Variants in PLXDC2 observed in about 807,000 individuals in gnomAD.
The protein encoded by PLXDC2 is plexin domain containing 2.
PLXDC2 carries 40 observed loss-of-function variants against 68.9 expected under a neutral mutation model. The ratio of observed to expected loss-of-function variants is 0.58; its 90% CI spans 0.45 to 0.76. The LOEUF (loss-of-function observed/expected upper bound fraction) is 0.76. Ranked by LOEUF, PLXDC2 falls within the 30% of genes least tolerant of loss-of-function variation. PLXDC2 has a pLI of 0.00. For missense variants in PLXDC2, 644 were observed against 661.9 expected (o/e 0.97, Z 0.30); for synonymous variants, 243 against 234.2 (o/e 1.04, Z -0.34).
intron 1 of PLXDC2, among the ~76,000 whole-genome samples, chr10:19,967,520 AAATAG>A (rs1397501870): frequency 5.3e-5 from 8 of 152,216 alleles, no homozygotes; most frequent in South Asian, 2.1e-4. Flanking sequence ...GAACTAGAAA[AAATAG>A]AATAAACATA....
intron 9 of PLXDC2, among the ~76,000 whole-genome samples, chr10:20,185,131 A>G (rs1419817577): frequency 7.0e-6 from 1 of 142,188 alleles, no homozygotes; most frequent in African/African-American, 2.6e-5. Context: ...AAACCTGCAC[A>G]TTCTGCACAT....
At chr10:20,226,394 A>T (rs1327504625) in intron 12 of PLXDC2, among the ~76,000 whole-genome samples, 1 of 152,192 alleles carries the variant, frequency 6.6e-6, no homozygotes, top group Non-Finnish European at 1.5e-5. Context: ...GGAGGCCAAA[A>T]TATTGGACAC....
At chr10:20,015,861 A>G (rs549527591) in intron 2 of PLXDC2, among the ~76,000 whole-genome samples, 1 of 152,174 alleles carries the variant, frequency 6.6e-6, no homozygotes, top group Admixed American at 6.5e-5. Context: ...TGTTCCAACC[A>G]TCGTGTTCAC....
intron 6 of PLXDC2, among the ~76,000 whole-genome samples, chr10:20,151,460 G>A (rs1242088782): frequency 1.3e-5 from 2 of 152,090 alleles, no homozygotes; most frequent in Non-Finnish European, 2.9e-5. Flanking sequence ...TCATTTTATA[G>A]CTGAGCAGGG....
intron 13 of PLXDC2, among the ~76,000 whole-genome samples, chr10:20,255,918 G>C (rs1220073433): frequency 6.6e-6 from 1 of 151,998 alleles, no homozygotes; most frequent in Non-Finnish European, 1.5e-5. Context: ...TAGAAACAAA[G>C]TAAATTTTAA....
At chr10:20,110,369 C>T (rs1435944776) in intron 4 of PLXDC2, among the ~76,000 whole-genome samples, 1 of 152,166 alleles carries the variant, frequency 6.6e-6, no homozygotes, top group African/African-American at 2.4e-5. Flanking sequence ...AACACTTATC[C>T]TCCCCTTTCA....
intron 1 of PLXDC2, among the ~76,000 whole-genome samples, chr10:19,948,863 G>A (rs1471348653): frequency 6.6e-6 from 1 of 151,838 alleles, no homozygotes; most frequent in Non-Finnish European, 1.5e-5. Flanking sequence ...GACATACATT[G>A]GCCGGGCGCG....
At chr10:19,962,288 T>G (rs149203453) in intron 1 of PLXDC2, among the ~76,000 whole-genome samples, 3 of 151,514 alleles carry the variant, frequency 2.0e-5, no homozygotes, top group Non-Finnish European at 4.4e-5. Flanking sequence ...GAAACTAGGA[T>G]TCTATCTTAC....
chr10:20,256,249 C>T (rs1182178163), intron 13 of PLXDC2, among the ~76,000 whole-genome samples: 3 of 152,016 alleles, frequency 2.0e-5, no homozygotes, highest in African/African-American at 4.8e-5. Flanking sequence ...ACTCCTGCCT[C>T]AGCCTCCCAA....
chr10:19,932,775 A>G (rs1452337464), intron 1 of PLXDC2, among the ~76,000 whole-genome samples: 1 of 152,222 alleles, frequency 6.6e-6, no homozygotes, highest in Non-Finnish European at 1.5e-5. Context: ...CTTTCTGAGC[A>G]TGTTTGAACA....
intron 3 of PLXDC2, among the ~76,000 whole-genome samples, chr10:20,052,722 C>CAAAAAA (rs59776582): frequency 1.1e-5 from 1 of 92,800 alleles, no homozygotes; most frequent in African/African-American, 3.8e-5. Context: ...ACAAATTATG[C>CAAAAAA]AAAAAAAAAA....
At chr10:19,846,673 T>C (rs189979425) in intron 1 of PLXDC2, among the ~76,000 whole-genome samples, 37 of 152,194 alleles carry the variant, frequency 2.4e-4, no homozygotes, top group Middle Eastern at 3.4e-3. Context: ...TGGGAGCCAA[T>C]GTCAAGATAT....
intron 1 of PLXDC2, among the ~76,000 whole-genome samples, chr10:19,849,125 T>A (rs1315564051): frequency 6.6e-6 from 1 of 152,136 alleles, no homozygotes; most frequent in Non-Finnish European, 1.5e-5. Context: ...AACCCACACA[T>A]GTACATAGTT....
At chr10:19,960,121 GC>G (rs1247151793) in intron 1 of PLXDC2, among the ~76,000 whole-genome samples, 2 of 151,464 alleles carry the variant, frequency 1.3e-5, no homozygotes, top group South Asian at 2.1e-4. Flanking sequence ...GCTTTGGGGG[GC>G]TGAGGTAGAA....
chr10:19,948,866 C>T (rs1182437672), intron 1 of PLXDC2, among the ~76,000 whole-genome samples: 3 of 151,844 alleles, frequency 2.0e-5, no homozygotes, highest in East Asian at 1.9e-4. Flanking sequence ...ATACATTGGC[C>T]GGGCGCGGTG....
chr10:20,175,078 T>G (rs950760036), intron 7 of PLXDC2, among the ~76,000 whole-genome samples: 15 of 152,100 alleles, frequency 9.9e-5, no homozygotes, highest in Admixed American at 5.9e-4. Flanking sequence ...TTTCAGTGAG[T>G]TTGGATCTAT....
intron 1 of PLXDC2, among the ~76,000 whole-genome samples, chr10:19,853,004 G>A (rs1478013068): frequency 6.6e-6 from 1 of 152,144 alleles, no homozygotes; most frequent in African/African-American, 2.4e-5. Flanking sequence ...ACTAATCAAG[G>A]TAATTTGAAT....
chr10:20,253,785 G>A (rs1255915478), intron 13 of PLXDC2, among the ~76,000 whole-genome samples: 2 of 149,308 alleles, frequency 1.3e-5, no homozygotes, highest in East Asian at 3.9e-4. Context: ...ACAGACACAT[G>A]TTTGATATAA....
intron 4 of PLXDC2, among the ~76,000 whole-genome samples, chr10:20,135,753 C>T (rs897329717): frequency 1.3e-5 from 2 of 151,998 alleles, no homozygotes; most frequent in African/African-American, 2.4e-5. Flanking sequence ...GCTTTTTTCC[C>T]CCAAGGAATG....
Sources: gnomAD v4.1 joint callset for allele counts (sites outside exome capture counted in the v4.1 genomes callset) on GRCh38, gnomAD v4.1.1 for gene constraint, MANE v1.5 for transcripts, NCBI Gene and HGNC (gene_info 2026-07-23, HGNC 2026-07-21) for gene names.